CDKL3: variants seen among roughly 807,000 people sequenced by gnomAD.
CDKL3 encodes the protein cyclin dependent kinase like 3.
CDKL3 carries 65 observed loss-of-function variants against 69.3 expected under a neutral mutation model. That is an observed-to-expected ratio of 0.94 (90% CI 0.77 to 1.15). The LOEUF (loss-of-function observed/expected upper bound fraction) is 1.15. CDKL3 is among the 50% of genes most tolerant of loss of function. CDKL3 has a pLI of 0.00. For synonymous variants in CDKL3, 202 were observed against 221.6 expected, an observed-to-expected ratio of 0.91 and a Z score of 0.79; for missense variants, 652 against 689.2, an observed-to-expected ratio of 0.95 and a Z score of 0.61.
At chr5:134,332,638 GT>G (rs764095186) in intron 4 of CDKL3, among the ~76,000 whole-genome samples, 30 of 152,184 alleles carry the variant, frequency 2.0e-4, no homozygotes, top group Non-Finnish European at 3.1e-4. Flanking sequence ...CCTCTGTTCT[GT>G]TCCATTGGTC....
intron 4 of CDKL3, among the ~76,000 whole-genome samples, chr5:134,341,436 G>A (rs1310210649): frequency 1.3e-5 from 2 of 152,172 alleles, no homozygotes; most frequent in Non-Finnish European, 1.5e-5. Flanking sequence ...AAATCCTAAA[G>A]AATCCACTAA....
intron 4 of CDKL3, among the ~76,000 whole-genome samples, chr5:134,341,125 C>T (rs1468466350): frequency 6.6e-6 from 1 of 152,038 alleles, no homozygotes; most frequent in African/African-American, 2.4e-5. Flanking sequence ...AAAGAAAAAA[C>T]ATTTGATAAA....
At chr5:134,309,574 GAA>G (rs1462164908) in intron 7 of CDKL3, among the ~76,000 whole-genome samples, 5 of 152,124 alleles carry the variant, frequency 3.3e-5, no homozygotes, top group Non-Finnish European at 7.4e-5. Flanking sequence ...AGTCCATACT[GAA>G]AAGTTTCCTT....
chr5:134,327,081 A>G (rs1265321051), intron 4 of CDKL3, among the ~76,000 whole-genome samples: 2 of 151,872 alleles, frequency 1.3e-5, no homozygotes, highest in Non-Finnish European at 2.9e-5. Context: ...CTTTCTTCCC[A>G]GGAGGAGTGG....
At chr5:134,331,943 T>A (rs1395710897) in intron 4 of CDKL3, among the ~76,000 whole-genome samples, 3 of 152,190 alleles carry the variant, frequency 2.0e-5, no homozygotes, top group Non-Finnish European at 4.4e-5. Flanking sequence ...TTTCTCCACA[T>A]CCTCTCCAGC....
At chr5:134,320,006 G>A (rs2149483098) in intron 5 of CDKL3, among the ~76,000 whole-genome samples, 1 of 152,218 alleles carries the variant, frequency 6.6e-6, no homozygotes, top group Admixed American at 6.5e-5. Context: ...TAGCAGTTTT[G>A]CTATAACTAG....
At chr5:134,353,513 G>C (rs1385241451) in intron 3 of CDKL3, among the ~76,000 whole-genome samples, 2 of 150,386 alleles carry the variant, frequency 1.3e-5, no homozygotes, top group African/African-American at 2.5e-5. Flanking sequence ...CCACAATGAA[G>C]TCACAGTACT....
chr5:134,345,320 T>C (rs1751588106), intron 4 of CDKL3, among the ~76,000 whole-genome samples: 1 of 152,166 alleles, frequency 6.6e-6, no homozygotes. Flanking sequence ...AGACATAATA[T>C]GGCTGATACC....
chr5:134,342,908 T>C (rs1266028034), intron 4 of CDKL3, among the ~76,000 whole-genome samples: 2 of 152,188 alleles, frequency 1.3e-5, no homozygotes, highest in Admixed American at 1.3e-4. Context: ...GCAATAGTCA[T>C]TAAGACAGTG....
chr5:134,343,067 T>C (rs1256916106), intron 4 of CDKL3, among the ~76,000 whole-genome samples: 1 of 152,036 alleles, frequency 6.6e-6, no homozygotes, highest in African/African-American at 2.4e-5. Flanking sequence ...TAGCCAGGCT[T>C]GGTGGTGCAC....
chr5:134,371,400 T>C (rs1309567622), upstream of CDKL3: 9 of 724,790 alleles, frequency 1.2e-5, no homozygotes, highest in Non-Finnish European at 2.0e-5. Flanking sequence ...GCACTCACAC[T>C]GTGGTAGCGG....
intron 7 of CDKL3, 31 bp downstream of exon 7, chr5:134,312,261 T>A (rs1561527280): frequency 1.5e-6 from 2 of 1,359,988 alleles, no homozygotes; most frequent in East Asian, 2.4e-5. Flanking sequence ...AAAATGCTTT[T>A]AAAAAACCCA....
At chr5:134,304,589 A>G (rs768249414) in intron 10 of CDKL3, 22 bp from the exon 11 acceptor site, 7 of 1,578,670 alleles carry the variant, frequency 4.4e-6, no homozygotes, top group South Asian at 2.3e-5. Context: ...AACAAGAGTT[A>G]GTTGAAGAAA....
At chr5:134,326,835 A>ATATATATGTGTGTG (rs1774424177) in intron 4 of CDKL3, among the ~76,000 whole-genome samples, 1 of 77,416 alleles carries the variant, frequency 1.3e-5, no homozygotes, top group Non-Finnish European at 2.3e-5. Flanking sequence ...ATATATATAT[A>ATATATATGTGTGTG]TATATATATA....
intron 4 of CDKL3, among the ~76,000 whole-genome samples, chr5:134,331,521 G>A (rs1207467907): frequency 1.3e-5 from 2 of 151,892 alleles, no homozygotes; most frequent in African/African-American, 4.8e-5. Flanking sequence ...TGTTCTCATT[G>A]TTCAACTCCC....
At chr5:134,284,876 T>C (rs1309446542), downstream of CDKL3, among the ~76,000 whole-genome samples, 1 of 152,204 alleles carries the variant, frequency 6.6e-6, no homozygotes, top group Non-Finnish European at 1.5e-5. Context: ...TCCTATTCTT[T>C]TTTAGGATGC....
chr5:134,302,810 A>C lies in CDKL3; in HGVS notation c.1622-123T>G, dbSNP rs890256350. ...GTTTCTCAGTTTATTACAAAGGAACAAAATAAATTATGAGTTGTAATGGTA... is the reference window on the plus strand; with the variant it reads ...GTTTCTCAGTTTATTACAAAGGAACCAAATAAATTATGAGTTGTAATGGTA... On this transcript the variant is annotated intron_variant, in intron 11 of 12. Coordinates refer to ENST00000265334, the MANE Select transcript of CDKL3 (RefSeq NM_001113575.2). 2.3e-5 allele frequency: 13 copies of C among 556,472 alleles called. No homozygotes were observed. The East Asian group carries it at 3.6e-4, about 15-fold the overall frequency. The allele number at this position is 556,472 out of a possible 1,614,324, so 34.5% of individuals were successfully genotyped here.
Position 134,307,979 on chromosome 5 carries a change from T to C in CDKL3, c.1364+159A>G, listed in dbSNP as rs933510639. On this transcript the variant is annotated intron_variant, in intron 9 of 12. Transcript: ENST00000265334. The stretch of plus-strand genomic sequence containing the variant: ...AGAAAAGTTAATTTCTTCTACAGCA[T>C]CCATAAGAAACACTCAGTAAATGGC... 9 of 1,135,736 alleles carry C rather than the reference T, an allele frequency of 7.9e-6. No individual in the cohort carries two copies. In the African/African-American group the frequency reaches 1.4e-4, roughly 18 times the overall value. The allele number at this position is 1,135,736 out of a possible 1,614,324, so 70.4% of individuals were successfully genotyped here.
At chr5:134,346,881 AT>A (rs1752040437) in intron 4 of CDKL3, among the ~76,000 whole-genome samples, 1 of 152,164 alleles carries the variant, frequency 6.6e-6, no homozygotes, top group Non-Finnish European at 1.5e-5. Context: ...TCATAATGAT[AT>A]TTCTAAAAAA....
Sources: allele counts gnomAD v4.1 joint callset (sites outside exome capture counted in the v4.1 genomes callset), GRCh38; gene constraint gnomAD v4.1.1; transcripts MANE v1.5; gene names NCBI Gene and HGNC (gene_info 2026-07-23, HGNC 2026-07-21).